Variants in CTPS2 observed in about 807,000 individuals in gnomAD.
The protein encoded by CTPS2 is CTP synthase II.
CTPS2 carries 19 observed loss-of-function variants against 46.8 expected under a neutral mutation model. The ratio of observed to expected loss-of-function variants is 0.41; its 90% CI spans 0.28 to 0.60. The LOEUF (loss-of-function observed/expected upper bound fraction) is 0.60, where lower values mean the gene tolerates loss of function less well. CTPS2 is among the 20% of genes least tolerant of loss of function. The pLI is 0.35. For synonymous variants in CTPS2, 151 were observed against 165.2 expected, an observed-to-expected ratio of 0.91 and a Z score of 0.66; for missense variants, 286 against 447.6, an observed-to-expected ratio of 0.64 and a Z score of 3.26.
At chrX:16,633,280 G>T (rs1033830842) in intron 14 of CTPS2, among the ~76,000 whole-genome samples, 3 of 109,588 alleles carry the variant, frequency 2.7e-5, no homozygotes, top group South Asian at 7.9e-4. Flanking sequence ...TAGAGACAGG[G>T]TCTCACTATG....
chrX:16,698,835 G>A, intron 3 of CTPS2, 88 bp downstream of exon 3: 1 of 899,118 alleles, frequency 1.1e-6, no homozygotes, highest in South Asian at 2.5e-5. Flanking sequence ...ACAGGCCTGA[G>A]CCACCGTGCC....
intron 17 of CTPS2, among the ~76,000 whole-genome samples, chrX:16,595,657 A>G (rs1448237500): frequency 1.8e-5 from 2 of 111,844 alleles, no homozygotes; most frequent in African/African-American, 6.5e-5. Flanking sequence ...AAAATGAAAT[A>G]AAATTTAAAA....
rs189637285 is a variant in CTPS2 at position 16,665,618 on chromosome X, G to C, written c.1296+1896C>G. Among the ~76,000 whole-genome samples the C allele has an allele frequency of 2.7e-5, 3 of 112,173 alleles. No homozygotes were observed. The East Asian group carries it at 8.4e-4, about 31-fold the overall frequency. ...CTAATGGTTGCCTGGGGCTGGTGGA[G>C]ATAGGAGGCTTGGGGGTGTCAGCTA... On this transcript the variant is annotated intron_variant, in intron 13 of 18. Coordinates refer to ENST00000359276, the MANE Select transcript of CTPS2 (RefSeq NM_175859.3).
intron 8 of CTPS2, among the ~76,000 whole-genome samples, chrX:16,686,810 A>C (rs957416057): frequency 2.7e-5 from 3 of 111,591 alleles, no homozygotes; most frequent in African/African-American, 9.8e-5. Flanking sequence ...AGGCTGAGGC[A>C]GGAGGATCAC....
intron 10 of CTPS2, among the ~76,000 whole-genome samples, chrX:16,672,925 C>T (rs7059690): frequency 0.098 from 8,134 of 82,768 alleles, 803 homozygotes; most frequent in African/African-American, 0.27. Flanking sequence ...CTCGCTCTGT[C>T]GCCCAGGCTG....
chrX:16,683,190 C>T lies in CTPS2; in HGVS notation c.909G>A (p.Leu303=). Residue 303 remains leucine (L), a synonymous_variant, in exon 9 of 19, where the codon CTG becomes CTA. Coordinates refer to ENST00000359276, the MANE Select transcript of CTPS2 (RefSeq NM_175859.3). ...CTCTGAGCTTGGTGTATTTGCCAACCAGGGCTATGGAGCATATTTTCTGTA... is the reference window on the plus strand; with the variant it reads ...CTCTGAGCTTGGTGTATTTGCCAACTAGGGCTATGGAGCATATTTTCTGTA... ...ERLQKICSIA[L]VGKYTKLRDC... The T allele has an allele frequency of 1.7e-6, 2 of 1,210,395 alleles. No homozygotes were observed. Among genetic ancestry groups the T allele is most frequent in the African/African-American group, 1.7e-5 (1 of 57,782 alleles).
intron 8 of CTPS2, among the ~76,000 whole-genome samples, chrX:16,688,437 C>T (rs1295624389): frequency 2.1e-4 from 20 of 96,932 alleles, no homozygotes; most frequent in Non-Finnish European, 3.1e-4. Context: ...CTTAATTTCC[C>T]TTTTTTTTTT....
intron 13 of CTPS2, among the ~76,000 whole-genome samples, chrX:16,650,581 G>A (rs1307311458): frequency 3.2e-5 from 3 of 94,075 alleles, no homozygotes; most frequent in East Asian, 3.4e-4. Context: ...CAGTGGCATC[G>A]CACTCACTGC....
At chrX:16,692,833 G>A (rs981159961) in intron 6 of CTPS2, among the ~76,000 whole-genome samples, 5 of 110,284 alleles carry the variant, frequency 4.5e-5, no homozygotes, top group African/African-American at 1.3e-4. Context: ...TGAGGCGGGC[G>A]GATCACCTGA....
At chrX:16,709,528 G>A (rs773434977) in intron 1 of CTPS2, among the ~76,000 whole-genome samples, 2 of 109,530 alleles carry the variant, frequency 1.8e-5, no homozygotes, top group African/African-American at 6.6e-5. Flanking sequence ...TTTAAACTAA[G>A]ATCTAAATTT....
chrX:16,598,730 C>A (rs1171109955), intron 17 of CTPS2, among the ~76,000 whole-genome samples: 1 of 110,944 alleles, frequency 9.0e-6, no homozygotes, highest in Non-Finnish European at 1.9e-5. Flanking sequence ...CATCCTGATA[C>A]CAAAGCCGGG....
At chrX:16,690,293 C>T (rs767693537) in intron 7 of CTPS2, among the ~76,000 whole-genome samples, 5 of 110,415 alleles carry the variant, frequency 4.5e-5, no homozygotes, top group Admixed American at 9.8e-5. Context: ...ATCGCTTGAA[C>T]CCAGGAGGCA....
intron 8 of CTPS2, among the ~76,000 whole-genome samples, chrX:16,685,606 C>A (rs1253432786): frequency 5.5e-5 from 6 of 108,947 alleles, no homozygotes; most frequent in Non-Finnish European, 1.9e-5. Context: ...TGCCTGTAAT[C>A]CCAGCAGTTT....
chrX:16,631,325 G>A (rs756014162), intron 14 of CTPS2, among the ~76,000 whole-genome samples: 5 of 107,600 alleles, frequency 4.6e-5, no homozygotes, highest in South Asian at 8.7e-4. Flanking sequence ...TCCAGCCTGG[G>A]CGACAGAGCA....
At chrX:16,644,735 A>G (rs1209313566) in intron 13 of CTPS2, among the ~76,000 whole-genome samples, 1 of 112,274 alleles carries the variant, frequency 8.9e-6, no homozygotes. Flanking sequence ...TCCAGAAGAA[A>G]TGTATATGTG....
At chrX:16,644,549 A>C (rs1932223345) in intron 13 of CTPS2, among the ~76,000 whole-genome samples, 1 of 111,561 alleles carries the variant, frequency 9.0e-6, no homozygotes, top group South Asian at 3.8e-4. Flanking sequence ...AGAAAAGGGG[A>C]TATGACCACA....
chrX:16,689,070 G>A (rs1471146936), intron 8 of CTPS2, among the ~76,000 whole-genome samples: 2 of 111,277 alleles, frequency 1.8e-5, no homozygotes, highest in African/African-American at 6.5e-5. Context: ...CTGCACTCCC[G>A]CCTGGGTGAC....
At chrX:16,608,097 C>T (rs900514168) in intron 17 of CTPS2, among the ~76,000 whole-genome samples, 6 of 110,899 alleles carry the variant, frequency 5.4e-5, no homozygotes, top group African/African-American at 2.0e-4. Context: ...CCTGTAGTCC[C>T]GGCTACTTGG....
intron 8 of CTPS2, among the ~76,000 whole-genome samples, chrX:16,684,370 G>A (rs189068438): frequency 1.8e-5 from 2 of 108,871 alleles, no homozygotes; most frequent in East Asian, 5.8e-4. Context: ...TTAGCTGGGC[G>A]TGGTGGTACG....
Sources: gnomAD v4.1 joint callset for allele counts (sites outside exome capture counted in the v4.1 genomes callset) on GRCh38, gnomAD v4.1.1 for gene constraint, MANE v1.5 for transcripts, NCBI Gene and HGNC (gene_info 2026-07-23, HGNC 2026-07-21) for gene names.